The following GLCCI1 variants were observed in gnomAD, a reference collection of about 807,000 sequenced individuals.
GLCCI1 encodes the protein glucocorticoid-induced transcript 1 protein.
In GLCCI1, 24 loss-of-function variants were observed where a neutral mutation model predicts 52.2. The ratio of observed to expected loss-of-function variants is 0.46; its 90% CI spans 0.33 to 0.65. GLCCI1 has a LOEUF of 0.65. Ranked by LOEUF, GLCCI1 falls within the 30% of genes least tolerant of loss-of-function variation. GLCCI1 has a pLI of 0.02. For synonymous variants in GLCCI1, 310 were observed against 276.5 expected, an observed-to-expected ratio of 1.12 and a Z score of -1.20; for missense variants, 704 against 701.5, an observed-to-expected ratio of 1.00 and a Z score of -0.04.
In GLCCI1 at chr7:8,086,739, CG is replaced by C. The variant is rs1562456070; in HGVS notation, c.*202del. 1.4e-5 allele frequency: 8 copies of C among 555,744 alleles called. No homozygotes were observed. 34.4% of individuals were successfully genotyped at this position (555,744 alleles called of 1,614,324 possible). ...GTGGAAAGCAGTAATGCTTGCAAAA[CG>C]TGTGTGTCATTCAGCATTTTAAGTG... is the stretch of plus-strand genomic sequence containing the variant. On this transcript the variant is annotated 3_prime_UTR_variant, in exon 8 of 8. Coordinates refer to ENST00000223145, the MANE Select transcript of GLCCI1 (RefSeq NM_138426.4). The surrounding 1 kb of genome is among the most constrained non-coding windows in gnomAD (Gnocchi z 4.4).
intron 1 of GLCCI1, among the ~76,000 whole-genome samples, chr7:7,993,552 A>G (rs775480121): frequency 2.0e-5 from 3 of 152,190 alleles, no homozygotes; most frequent in African/African-American, 7.2e-5. Flanking sequence ...CAGTTTGGCT[A>G]CTATTCTAGA....
chr7:8,057,569 T>TA (rs1782426549), intron 4 of GLCCI1, among the ~76,000 whole-genome samples: 2 of 151,910 alleles, frequency 1.3e-5, no homozygotes, highest in Admixed American at 1.3e-4. Context: ...TTTTGGATGA[T>TA]AGAGGGTTCT....
At chr7:7,996,173 C>G (rs1376514270) in intron 1 of GLCCI1, among the ~76,000 whole-genome samples, 2 of 152,072 alleles carry the variant, frequency 1.3e-5, no homozygotes, top group Non-Finnish European at 2.9e-5. Context: ...CACCTTTGGT[C>G]AGTTATTTTA....
At chr7:7,986,045 A>C (rs540580240) in intron 1 of GLCCI1, among the ~76,000 whole-genome samples, 8 of 152,310 alleles carry the variant, frequency 5.3e-5, no homozygotes, top group African/African-American at 1.9e-4. Flanking sequence ...GAATTTTTTA[A>C]AGTATCATTA....
chr7:8,069,733 T>G (rs1405496010), intron 5 of GLCCI1, among the ~76,000 whole-genome samples: 1 of 152,224 alleles, frequency 6.6e-6, no homozygotes, highest in African/African-American at 2.4e-5. Flanking sequence ...ATTTCGGCCT[T>G]CACTTGTTTG....
In GLCCI1 at chr7:8,086,057, T is replaced by C. The variant is rs1484198149; in HGVS notation, c.1299-136T>C. 2.9e-6 allele frequency: 2 copies of C among 687,578 alleles called. No individual in the cohort carries two copies. Among genetic ancestry groups the C allele is most frequent in the African/African-American group, 3.6e-5 (2 of 55,870 alleles). The allele number at this position is 687,578 out of a possible 1,614,324, so 42.6% of individuals were successfully genotyped here. On this transcript the variant is annotated intron_variant, in intron 7 of 7. Coordinates refer to ENST00000223145, the MANE Select transcript of GLCCI1 (RefSeq NM_138426.4). The surrounding 1 kb of genome is among the most constrained non-coding windows in gnomAD (Gnocchi z 4.4). ...AGCTGACTTGTGCTATGGAAGATGT[T>C]TACCCCTCTGTATACACTTAACCCA...
intron 6 of GLCCI1, among the ~76,000 whole-genome samples, chr7:8,076,812 C>T (rs1182697715): frequency 6.6e-6 from 1 of 151,960 alleles, no homozygotes; most frequent in African/African-American, 2.4e-5. Flanking sequence ...TAGTGCCTAG[C>T]ATGGTGTAGT....
chr7:8,001,859 C>T, intron 1 of GLCCI1, among the ~76,000 whole-genome samples: 1 of 152,048 alleles, frequency 6.6e-6, no homozygotes, highest in East Asian at 1.9e-4. Context: ...AAGGACCAAA[C>T]ACTGCATGTC....
chr7:7,980,162 T>C (rs1245108444), intron 1 of GLCCI1: 1 of 152,402 alleles, frequency 6.6e-6, no homozygotes, highest in Non-Finnish European at 1.5e-5. Context: ...CCCAAAATGC[T>C]GGGATTATAG....
rs577166562 is a variant in GLCCI1, at chr7:8,061,976, GT to G, written c.966+1736del. Reference sequence around the variant, plus strand: ...GCCACTGCGCCCAGCCCATTAAAGTGTTTTTTTTATGCATTAAGTGAAGTTT... The same window carrying G: ...GCCACTGCGCCCAGCCCATTAAAGTGTTTTTTTATGCATTAAGTGAAGTTT... On this transcript the variant is annotated intron_variant, in intron 5 of 7. Transcript: ENST00000223145. 3.3e-5 allele frequency among the ~76,000 whole-genome samples: 5 copies of G among 151,710 alleles called. No individual in the cohort carries two copies. The South Asian group carries it at 6.2e-4, about 19-fold the overall frequency.
At chr7:7,984,957 C>T (rs927977625) in intron 1 of GLCCI1, among the ~76,000 whole-genome samples, 39 of 152,026 alleles carry the variant, frequency 2.6e-4, no homozygotes, top group African/African-American at 9.2e-4. Flanking sequence ...ATATTTTGTC[C>T]TTATTTAAAA....
intron 2 of GLCCI1, 44 bp downstream of exon 2, chr7:8,004,103 T>A: frequency 2.0e-6 from 3 of 1,519,904 alleles, no homozygotes; most frequent in Non-Finnish European, 2.7e-6. Context: ...CTGCACTTCT[T>A]CTGTTTTGAT....
At chr7:8,076,149 A>G (rs1450876073) in intron 6 of GLCCI1, among the ~76,000 whole-genome samples, 3 of 152,056 alleles carry the variant, frequency 2.0e-5, no homozygotes, top group African/African-American at 4.8e-5. Flanking sequence ...TGCCCTTACT[A>G]TGCTTTAACC....
intron 1 of GLCCI1, among the ~76,000 whole-genome samples, chr7:8,001,452 A>C (rs773801128): frequency 7.2e-5 from 11 of 152,304 alleles, no homozygotes; most frequent in African/African-American, 2.2e-4. Flanking sequence ...AAGTCAGAAA[A>C]CAACAGATGC....
intron 5 of GLCCI1, 123 bp downstream of exon 5, chr7:8,060,371 G>A (rs932423794): frequency 1.4e-6 from 1 of 726,856 alleles, no homozygotes; most frequent in East Asian, 2.8e-5. Flanking sequence ...TACTCATTTA[G>A]TGTACAATTC....
chr7:8,060,781 A>G (rs1228414826), intron 5 of GLCCI1, among the ~76,000 whole-genome samples: 1 of 152,190 alleles, frequency 6.6e-6, no homozygotes, highest in African/African-American at 2.4e-5. Flanking sequence ...TTCTATAAAC[A>G]TTTGTATACA....
chr7:7,986,656 A>G (rs1255029988), intron 1 of GLCCI1, among the ~76,000 whole-genome samples: 1 of 152,256 alleles, frequency 6.6e-6, no homozygotes, highest in Non-Finnish European at 1.5e-5. Context: ...TTCATATGTA[A>G]TATATGATTA....
At position 8,012,432 on chromosome 7, in the gene GLCCI1, C is replaced by CTTTTTTTTTTTTTTT. The variant is rs71014746; in HGVS notation, c.609+8389_609+8403dup. Among the ~76,000 whole-genome samples the CTTTTTTTTTTTTTTT allele has an allele frequency of 7.0e-3, 493 of 70,400 alleles. 57 individuals are homozygous for CTTTTTTTTTTTTTTT. Among genetic ancestry groups the CTTTTTTTTTTTTTTT allele is most frequent in the Non-Finnish European group, 0.01 (403 of 39,568 alleles). 46.2% of individuals were successfully genotyped at this position (70,400 alleles called of 152,430 possible). A position where few individuals can be genotyped will look rare whatever the true frequency, so the allele number is the denominator to read the frequency against. On this transcript the variant is annotated intron_variant, in intron 2 of 7. Transcript: ENST00000223145. The stretch of plus-strand genomic sequence containing the variant: ...CCATTCTGTGGGTTGCCTTTTTATT[C>CTTTTTTTTTTTTTTT]TTTTTTTTTTTTTTTTTTTTTTTTT...
chr7:7,984,488 G>A (rs947711689), intron 1 of GLCCI1, among the ~76,000 whole-genome samples: 2 of 152,188 alleles, frequency 1.3e-5, no homozygotes, highest in African/African-American at 4.8e-5. Context: ...TAAGGAGAAT[G>A]TGAATTATAT....
Sources: allele counts gnomAD v4.1 joint callset (sites outside exome capture counted in the v4.1 genomes callset), GRCh38; gene constraint gnomAD v4.1.1; non-coding constraint Gnocchi (gnomAD v3.1); transcripts MANE v1.5; gene names NCBI Gene and HGNC (gene_info 2026-07-23, HGNC 2026-07-21).